The following CAP2 variants were observed in gnomAD, a reference collection of about 807,000 sequenced individuals.
CAP2 encodes cyclase associated actin cytoskeleton regulatory protein 2.
CAP2 carries 24 observed loss-of-function variants against 57.7 expected under a neutral mutation model. The ratio of observed to expected loss-of-function variants is 0.42; its 90% CI spans 0.30 to 0.58. The LOEUF (loss-of-function observed/expected upper bound fraction) is 0.58. Among genes scored for constraint, CAP2 ranks in the 20% least tolerant of loss-of-function variants. The pLI is 0.22. For synonymous variants in CAP2, 194 were observed against 207.2 expected, an observed-to-expected ratio of 0.94 and a Z score of 0.55; for missense variants, 501 against 590.3, an observed-to-expected ratio of 0.85 and a Z score of 1.57.
At chr6:17,519,494 C>G (rs1394681198) in intron 7 of CAP2, among the ~76,000 whole-genome samples, 1 of 152,076 alleles carries the variant, frequency 6.6e-6, no homozygotes, top group East Asian at 1.9e-4. Context: ...TAGAAAGACC[C>G]CACACCAGAA....
chr6:17,478,297 C>CTTTTTTTTTTT (rs58472723), intron 4 of CAP2, among the ~76,000 whole-genome samples: 14 of 120,412 alleles, frequency 1.2e-4, no homozygotes, highest in African/African-American at 4.5e-4. Context: ...ACTACACCTA[C>CTTTTTTTTTTT]TTTTTTTTTT....
At position 17,452,570 on chromosome 6, in the gene CAP2, A is replaced by G. The variant is rs554423325; in HGVS notation, c.223-10426A>G. 6.6e-5 allele frequency among the ~76,000 whole-genome samples: 10 copies of G among 152,330 alleles called. No homozygotes were observed. The South Asian group carries it at 2.1e-3, about 32-fold the overall frequency. ...AGGGGGCAGTTTGGATGTTGGTTTA[A>G]TGCCCCACTCCATCTCTATGACACC... is the stretch of plus-strand genomic sequence containing the variant. On this transcript the variant is annotated intron_variant, in intron 3 of 12. Coordinates refer to ENST00000229922, the MANE Select transcript of CAP2 (RefSeq NM_006366.3).
At chr6:17,524,741 G>A (rs1439869421) in intron 7 of CAP2, among the ~76,000 whole-genome samples, 1 of 152,136 alleles carries the variant, frequency 6.6e-6, no homozygotes, top group African/African-American at 2.4e-5. Context: ...TGGTGGGCAT[G>A]TCTTCTGGAG....
At chr6:17,520,573 G>A (rs929430566) in intron 7 of CAP2, among the ~76,000 whole-genome samples, 1 of 152,068 alleles carries the variant, frequency 6.6e-6, no homozygotes, top group Non-Finnish European at 1.5e-5. Context: ...AAATGCTTTA[G>A]GATCACTTCT....
chr6:17,499,521 G>A (rs964608165), intron 4 of CAP2, among the ~76,000 whole-genome samples: 1 of 151,838 alleles, frequency 6.6e-6, no homozygotes, highest in Non-Finnish European at 1.5e-5. Flanking sequence ...AAGTCACCAG[G>A]TTTTATATTC....
chr6:17,530,609 T>C (rs940406764), intron 7 of CAP2, among the ~76,000 whole-genome samples: 1 of 152,154 alleles, frequency 6.6e-6, no homozygotes, highest in Non-Finnish European at 1.5e-5. Flanking sequence ...GAAATACCCA[T>C]GAACAGTGCC....
At chr6:17,427,311 C>T (rs1380126033) in intron 3 of CAP2, among the ~76,000 whole-genome samples, 1 of 152,134 alleles carries the variant, frequency 6.6e-6, no homozygotes, top group African/African-American at 2.4e-5. Flanking sequence ...AGGGACTCGG[C>T]TCTCCTTCCC....
intron 12 of CAP2, among the ~76,000 whole-genome samples, chr6:17,553,758 G>T (rs1243578621): frequency 6.6e-6 from 1 of 152,178 alleles, no homozygotes; most frequent in Non-Finnish European, 1.5e-5. Context: ...TATGGTGTGG[G>T]AATGGATGGA....
At chr6:17,526,426 T>G (rs1762512317) in intron 7 of CAP2, among the ~76,000 whole-genome samples, 1 of 152,030 alleles carries the variant, frequency 6.6e-6, no homozygotes, top group African/African-American at 2.4e-5. Context: ...CCAAAATGTG[T>G]CTTTCCTTCT....
At chr6:17,521,771 G>T (rs1046999937) in intron 7 of CAP2, among the ~76,000 whole-genome samples, 4 of 152,172 alleles carry the variant, frequency 2.6e-5, no homozygotes, top group African/African-American at 4.8e-5. Context: ...CTGTAGTGCA[G>T]CATGGTTCTG....
chr6:17,394,148 CTG>C (rs1165903840), intron 1 of CAP2, among the ~76,000 whole-genome samples: 5 of 139,946 alleles, frequency 3.6e-5, no homozygotes, highest in African/African-American at 1.4e-4. Context: ...GTCCACCGGG[CTG>C]TGAGTCTTCC....
At chr6:17,473,737 G>A (rs1420416261) in intron 4 of CAP2, among the ~76,000 whole-genome samples, 1 of 152,130 alleles carries the variant, frequency 6.6e-6, no homozygotes, top group African/African-American at 2.4e-5. Flanking sequence ...GGCATGGTTC[G>A]TTACTTTTTA....
At chr6:17,555,970 G>A (rs529347021) in intron 12 of CAP2, among the ~76,000 whole-genome samples, 2 of 152,308 alleles carry the variant, frequency 1.3e-5, no homozygotes, top group East Asian at 3.9e-4. Context: ...TAGCTGCGCT[G>A]TTACTGGCCA....
intron 7 of CAP2, chr6:17,536,387 GC>G: frequency 2.3e-6 from 1 of 440,234 alleles, no homozygotes; most frequent in Non-Finnish European, 4.6e-6. Context: ...GGAAACAAGA[GC>G]CCGGTATTGT....
At chr6:17,534,563 G>C (rs1202826693) in intron 7 of CAP2, among the ~76,000 whole-genome samples, 1 of 152,152 alleles carries the variant, frequency 6.6e-6, no homozygotes, top group Non-Finnish European at 1.5e-5. Flanking sequence ...CGATCCTTTT[G>C]TATCTCTAGA....
In CAP2 at chr6:17,507,273, C is replaced by G. The variant is rs146710056; in HGVS notation, c.405C>G (p.Ala135=). ...GTAACATGTTTAATCATCTTTCGGC[C>G]GTCAGCGAAAGCATCCCTGCCCTTG... ...RGSNMFNHLS[A]VSESIPALGW... Residue 135 remains alanine (A), a synonymous_variant, in exon 5 of 13, where the codon GCC becomes GCG. Coordinates refer to ENST00000229922, the MANE Select transcript of CAP2 (RefSeq NM_006366.3). 1.7e-4 allele frequency: 279 copies of G among 1,614,122 alleles called. 1 individual carries two copies. The African/African-American group carries it at 3.1e-3, about 18-fold the overall frequency.
At chr6:17,490,223 C>T (rs1761512431) in intron 4 of CAP2, among the ~76,000 whole-genome samples, 1 of 152,038 alleles carries the variant, frequency 6.6e-6, no homozygotes, top group Non-Finnish European at 1.5e-5. Flanking sequence ...TGTTATTTTC[C>T]ATGTCAGAAA....
chr6:17,499,935 A>T (rs1010019785), intron 4 of CAP2, among the ~76,000 whole-genome samples: 1 of 152,148 alleles, frequency 6.6e-6, no homozygotes, highest in Admixed American at 6.5e-5. Flanking sequence ...CAACCCTAAA[A>T]TAAGGAATAT....
intron 6 of CAP2, among the ~76,000 whole-genome samples, chr6:17,508,456 C>G (rs147643250): frequency 2.0e-5 from 3 of 152,280 alleles, no homozygotes; most frequent in African/African-American, 7.2e-5. Flanking sequence ...TCATGAGATT[C>G]CAACCCCTCT....
Sources: allele counts gnomAD v4.1 joint callset (sites outside exome capture counted in the v4.1 genomes callset), GRCh38; gene constraint gnomAD v4.1.1; transcripts MANE v1.5; gene names NCBI Gene and HGNC (gene_info 2026-07-23, HGNC 2026-07-21).